CTNNA3: variants seen among roughly 807,000 people sequenced by gnomAD.
CTNNA3 encodes the protein catenin alpha-3.
In CTNNA3, 76 loss-of-function variants were observed where a neutral mutation model predicts 95.7. That is an observed-to-expected ratio of 0.79 (90% confidence interval 0.66 to 0.96). CTNNA3 has a LOEUF of 0.96. Among genes scored for constraint, CTNNA3 ranks in the 40% least tolerant of loss-of-function variants. CTNNA3 has a pLI of 0.00. For synonymous variants in CTNNA3, 431 were observed against 374.4 expected, an observed-to-expected ratio of 1.15 and a Z score of -1.74; for missense variants, 1,191 against 1,089.8, an observed-to-expected ratio of 1.09 and a Z score of -1.31.
chr10:66,459,383 C>A (rs1268356088), intron 11 of CTNNA3, among the ~76,000 whole-genome samples: 2 of 152,048 alleles, frequency 1.3e-5, no homozygotes, highest in Admixed American at 1.3e-4. Context: ...GCAATCCTAA[C>A]CCCTGAATTA....
At chr10:66,659,828 G>A (rs1399538457) in intron 9 of CTNNA3, among the ~76,000 whole-genome samples, 1 of 152,098 alleles carries the variant, frequency 6.6e-6, no homozygotes, top group East Asian at 1.9e-4. Flanking sequence ...CTCCAGAACT[G>A]TAAGAAATAA....
chr10:65,950,553 T>A (rs1389587624), intron 17 of CTNNA3, among the ~76,000 whole-genome samples: 1 of 152,230 alleles, frequency 6.6e-6, no homozygotes, highest in Non-Finnish European at 1.5e-5. Context: ...AGTTGTCAAA[T>A]ACATCTTGTT....
rs543834503 is a variant in CTNNA3, at chr10:65,968,789, T to C, written c.2266-2043A>G. On this transcript the variant is annotated intron_variant, in intron 16 of 17. Coordinates refer to ENST00000433211, the MANE Select transcript of CTNNA3 (RefSeq NM_013266.4). The stretch of plus-strand genomic sequence containing the variant: ...GAGTTTAGGCCACCCCAAATCTGTG[T>C]GTAGAGAATTTGAGGACAAGAAAGC... 4.6e-5 allele frequency among the ~76,000 whole-genome samples: 7 copies of C among 152,270 alleles called. No homozygotes were observed. The East Asian group carries it at 1.2e-3, about 25-fold the overall frequency.
chr10:66,141,025 G>A (rs1227366941), intron 13 of CTNNA3, among the ~76,000 whole-genome samples: 12 of 152,038 alleles, frequency 7.9e-5, no homozygotes, highest in African/African-American at 2.7e-4. Flanking sequence ...TTGGGAGGCC[G>A]AGGCGGGAGG....
At chr10:66,888,502 A>G (rs1338178154) in intron 7 of CTNNA3, among the ~76,000 whole-genome samples, 2 of 152,128 alleles carry the variant, frequency 1.3e-5, no homozygotes, top group African/African-American at 4.8e-5. Context: ...ACTAAGCTAT[A>G]CAGGTACCAG....
At chr10:66,043,638 T>G (rs952378481) in intron 15 of CTNNA3, among the ~76,000 whole-genome samples, 4 of 152,204 alleles carry the variant, frequency 2.6e-5, no homozygotes, top group African/African-American at 9.6e-5. Context: ...ATGTCCTGAA[T>G]GCTGTCAGAG....
At chr10:66,537,522 A>C (rs1323838875) in intron 10 of CTNNA3, among the ~76,000 whole-genome samples, 5 of 151,484 alleles carry the variant, frequency 3.3e-5, no homozygotes, top group Non-Finnish European at 7.4e-5. Flanking sequence ...TTCCCTTGTC[A>C]CTCAAGGAAA....
At chr10:66,561,380 C>A (rs1480198604) in intron 10 of CTNNA3, among the ~76,000 whole-genome samples, 1 of 152,106 alleles carries the variant, frequency 6.6e-6, no homozygotes, top group Non-Finnish European at 1.5e-5. Flanking sequence ...GTGTGCCAGA[C>A]ACTATACTTA....
intron 16 of CTNNA3, among the ~76,000 whole-genome samples, chr10:65,972,904 G>A (rs1446395602): frequency 1.4e-5 from 2 of 140,142 alleles, no homozygotes; most frequent in African/African-American, 2.6e-5. Context: ...TCCTAAGGGG[G>A]AAAAAAAAAA....
intron 5 of CTNNA3, among the ~76,000 whole-genome samples, chr10:67,382,091 C>T (rs188228441): frequency 6.6e-6 from 1 of 152,244 alleles, no homozygotes; most frequent in Admixed American, 6.5e-5. Context: ...ATGTTAGTTT[C>T]TTTCATTCTA....
At chr10:66,655,164 C>A (rs1370744450) in intron 9 of CTNNA3, among the ~76,000 whole-genome samples, 1 of 152,008 alleles carries the variant, frequency 6.6e-6, no homozygotes, top group Non-Finnish European at 1.5e-5. Context: ...ACAATGTATA[C>A]ATATTTTAAA....
At chr10:67,467,418 C>T (rs1473873133) in intron 5 of CTNNA3, among the ~76,000 whole-genome samples, 1 of 152,052 alleles carries the variant, frequency 6.6e-6, no homozygotes, top group Non-Finnish European at 1.5e-5. Flanking sequence ...GTTTTCCCTA[C>T]TTTTAGACTT....
At position 67,180,502 on chromosome 10, in the gene CTNNA3, G is replaced by A; in HGVS notation, c.862C>T (p.Pro288Ser). 5 of 1,613,358 alleles carry A rather than the reference G, an allele frequency of 3.1e-6. No homozygotes were observed. The highest frequency in any genetic ancestry group is 4.2e-6 in the Non-Finnish European group (5 of 1,179,378). Reference sequence around the variant, plus strand: ...ATTTCCTCCTCAGTTACTGTGAGTGGATTCAGGACAATTAAATTCTAAGAG... The same window carrying A: ...ATTTCCTCCTCAGTTACTGTGAGTGAATTCAGGACAATTAAATTCTAAGAG... The part of the protein sequence containing the change: ...DELENLIVLN[P>S]LTVTEEEIRP... The change falls in exon 7 of 18, where the codon CCA becomes TCA. Residue 288 changes from proline to serine, a missense_variant. Coordinates refer to ENST00000433211, the MANE Select transcript of CTNNA3 (RefSeq NM_013266.4).
intron 7 of CTNNA3, among the ~76,000 whole-genome samples, chr10:67,144,100 C>T (rs1056208070): frequency 2.0e-5 from 3 of 152,220 alleles, no homozygotes; most frequent in Non-Finnish European, 2.9e-5. Context: ...TTTCTTTGTG[C>T]ATCTCCATCA....
intron 3 of CTNNA3, among the ~76,000 whole-genome samples, chr10:67,553,551 G>A (rs1372556316): frequency 1.3e-5 from 2 of 152,020 alleles, no homozygotes; most frequent in African/African-American, 4.8e-5. Context: ...TAAGAAACCT[G>A]CATTTTACTT....
intron 5 of CTNNA3, among the ~76,000 whole-genome samples, chr10:67,246,568 G>A (rs1197081424): frequency 6.6e-6 from 1 of 151,962 alleles, no homozygotes; most frequent in Non-Finnish European, 1.5e-5. Flanking sequence ...ATATCACAGC[G>A]ACCCCCATAG....
rs574654503 is a variant in CTNNA3 at position 66,728,022 on chromosome 10, C to G, written c.1281+38242G>C. ...TAGGACGCTTACATCATATCCCTCA[C>G]TAAATGAAGGGCGTATTGTTTATGA... is the stretch of plus-strand genomic sequence containing the variant. On this transcript the variant is annotated intron_variant, in intron 9 of 17. Coordinates refer to ENST00000433211, the MANE Select transcript of CTNNA3 (RefSeq NM_013266.4). Among the ~76,000 whole-genome samples the G allele has an allele frequency of 2.0e-5, 3 of 152,262 alleles. No homozygotes were observed. In the South Asian group the frequency reaches 6.2e-4, roughly 32 times the overall value.
chr10:66,169,185 C>T (rs879324713), intron 13 of CTNNA3, among the ~76,000 whole-genome samples: 5 of 152,132 alleles, frequency 3.3e-5, no homozygotes, highest in African/African-American at 9.7e-5. Flanking sequence ...CCTTCCTTCC[C>T]TTTACCCCCA....
intron 11 of CTNNA3, among the ~76,000 whole-genome samples, chr10:66,505,842 A>C (rs973705468): frequency 6.6e-6 from 1 of 152,210 alleles, no homozygotes; most frequent in African/African-American, 2.4e-5. Context: ...AAAAACTGAT[A>C]AAGTATACAA....
Sources: gnomAD v4.1 joint callset for allele counts (sites outside exome capture counted in the v4.1 genomes callset) on GRCh38, gnomAD v4.1.1 for gene constraint, MANE v1.5 for transcripts, NCBI Gene and HGNC (gene_info 2026-07-23, HGNC 2026-07-21) for gene names.